Variants in RECQL observed in about 807,000 individuals in gnomAD.
RECQL encodes RecQ like helicase.
Under a neutral mutation model 75.8 loss-of-function variants are expected in RECQL, and 73 were observed. The ratio of observed to expected loss-of-function variants is 0.96; its 90% CI spans 0.80 to 1.17. The LOEUF (loss-of-function observed/expected upper bound fraction) is 1.17. Among genes scored for constraint, RECQL ranks in the 50% most tolerant of loss-of-function variants. The pLI is 0.00. For missense variants in RECQL, 699 were observed against 772.1 expected (o/e 0.91, Z 1.12); for synonymous variants, 248 against 254.4 (o/e 0.97, Z 0.24).
At chr12:21,470,738 C>T (rs1942929373) in intron 14 of RECQL, 2 of 350,692 alleles carry the variant, frequency 5.7e-6, no homozygotes, top group Admixed American at 4.5e-5. Context: ...ACGGAGTCCT[C>T]CCATTCCAAG....
rs1942940953 is a variant in RECQL at position 21,471,051 on chromosome 12, A to G, written c.1715T>C (p.Ile572Thr). The change falls in exon 14 of 15, where the codon ATA becomes ACA. Residue 572 changes from isoleucine (I) to threonine (T), a missense_variant. Ile to Thr is a moderately conservative substitution (Grantham distance 89). This residue lies in a region of RECQL where 669 missense variants were observed against 713.5 expected (regional missense o/e 0.94). Coordinates refer to ENST00000444129, the MANE Select transcript of RECQL (RefSeq NM_002907.4). ...GTTCAGAAGATTAGCTTTAGGTCCT[A>G]TTTTCAAATACGAAATGGTAGCATA... Reference protein sequence around the residue: ...TAYATISYLKIGPKANLLNNE... With the variant: ...TAYATISYLKTGPKANLLNNE... The G allele has an allele frequency of 1.9e-6, 3 of 1,602,186 alleles. No homozygotes were observed. The highest frequency in any genetic ancestry group is 2.3e-5 in the East Asian group (1 of 43,768).
chr12:21,483,542 T>G lies in RECQL; in HGVS notation c.534A>C (p.Val178=), dbSNP rs769658550. The G allele has an allele frequency of 6.3e-7, 1 of 1,579,604 alleles. No homozygotes were observed. Among genetic ancestry groups the G allele is most frequent in the South Asian group, 1.2e-5 (1 of 84,406 alleles). The change falls in exon 6 of 15, where the codon GTA becomes GTC. Residue 178 remains valine (V), a synonymous_variant. Coordinates refer to ENST00000444129, the MANE Select transcript of RECQL (RefSeq NM_002907.4). The part of the protein sequence containing the change: ...EHVKWVHAEM[V]NKNSELKLIY... Reference sequence around the variant, plus strand: ...TCAGCTTTAACTCGGAGTTTTTATTTACCATTTCAGCATGAACCCATTTAA... The same window carrying G: ...TCAGCTTTAACTCGGAGTTTTTATTGACCATTTCAGCATGAACCCATTTAA...
chr12:21,495,873 G>GC (rs1943498465), intron 2 of RECQL, among the ~76,000 whole-genome samples: 1 of 152,208 alleles, frequency 6.6e-6, no homozygotes, highest in Non-Finnish European at 1.5e-5. Flanking sequence ...TCCAGCGGCT[G>GC]CTAGTGATAT....
chr12:21,485,549 T>TAAA (rs1005937028), intron 5 of RECQL, among the ~76,000 whole-genome samples: 4 of 151,410 alleles, frequency 2.6e-5, no homozygotes, highest in African/African-American at 7.3e-5. Flanking sequence ...TATTTTTTTT[T>TAAA]AAAAAAAACA....
At chr12:21,484,021 G>A (rs754772052) in intron 5 of RECQL, among the ~76,000 whole-genome samples, 2 of 151,956 alleles carry the variant, frequency 1.3e-5, no homozygotes, top group Non-Finnish European at 2.9e-5. Flanking sequence ...CTTCTCAAAT[G>A]ATACCATCAA....
At chr12:21,477,745 C>T in intron 7 of RECQL, 58 bp downstream of exon 7, 2 of 1,382,622 alleles carry the variant, frequency 1.4e-6, no homozygotes, top group South Asian at 1.4e-5. Context: ...AATAAAAAGG[C>T]AGATCCCCTC....
intron 5 of RECQL, among the ~76,000 whole-genome samples, chr12:21,484,363 G>A (rs931452549): frequency 2.0e-5 from 3 of 152,026 alleles, no homozygotes; most frequent in Non-Finnish European, 2.9e-5. Context: ...TTCAAGAGTA[G>A]GGATATATCA....
chr12:21,471,554 T>A lies in RECQL; in HGVS notation c.1541A>T (p.Lys514Ile), dbSNP rs990152626. ...CTTTCCCATCCAAGAATCAATCAGT[T>A]TCAATGGAGTGAGTTTTTCATTCAG... Reference protein sequence around the residue: ...EELNEKLTPLKLIDSWMGKGA... With the variant: ...EELNEKLTPLILIDSWMGKGA... The change falls in exon 13 of 15, where the codon AAA becomes ATA. Residue 514 changes from lysine (K) to isoleucine (I), a missense_variant. Transcript: ENST00000444129. 1 of 1,612,712 alleles carries A rather than the reference T, an allele frequency of 6.2e-7. No homozygotes were observed. Among genetic ancestry groups the A allele is most frequent in the African/African-American group, 1.3e-5 (1 of 74,854 alleles).
intron 2 of RECQL, among the ~76,000 whole-genome samples, chr12:21,496,624 G>A (rs1424662930): frequency 6.6e-6 from 1 of 152,182 alleles, no homozygotes; most frequent in Non-Finnish European, 1.5e-5. Flanking sequence ...ACTTGCCAGA[G>A]GATAGAAGAT....
chr12:21,485,538 A>G (rs937856999), intron 5 of RECQL, among the ~76,000 whole-genome samples: 1 of 151,880 alleles, frequency 6.6e-6, no homozygotes, highest in Non-Finnish European at 1.5e-5. Flanking sequence ...TATCTGGGCT[A>G]TATTTTTTTT....
intron 12 of RECQL, among the ~76,000 whole-genome samples, chr12:21,472,608 G>A (rs1430022875): frequency 1.3e-5 from 2 of 152,098 alleles, no homozygotes; most frequent in Admixed American, 1.3e-4. Flanking sequence ...CATGGTGCTA[G>A]TGGGAGTGTC....
chr12:21,478,715 C>A (rs969319819), intron 6 of RECQL, among the ~76,000 whole-genome samples: 7 of 152,202 alleles, frequency 4.6e-5, no homozygotes, highest in African/African-American at 1.7e-4. Flanking sequence ...TGAATTACAT[C>A]TCCCAGAATC....
rs373378428 is a variant in RECQL at position 21,471,565 on chromosome 12, G to C, written c.1530C>G (p.Leu510=). The stretch of plus-strand genomic sequence containing the variant: ...AAGAATCAATCAGTTTCAATGGAGT[G>C]AGTTTTTCATTCAGTTCCTCTGCCT... ...LKQAEELNEK[L]TPLKLIDSWM... Residue 510 remains leucine (L), a synonymous_variant, in exon 13 of 15, where the codon CTC becomes CTG. Transcript: ENST00000444129. The C allele has an allele frequency of 3.0e-5, 49 of 1,612,736 alleles. No homozygotes were observed. The African/African-American group carries it at 6.4e-4, about 21-fold the overall frequency.
chr12:21,492,418 C>T (rs945552457), intron 2 of RECQL, among the ~76,000 whole-genome samples: 1 of 152,176 alleles, frequency 6.6e-6, no homozygotes, highest in African/African-American at 2.4e-5. Context: ...TAAAGATGTT[C>T]TTGGTGCATT....
chr12:21,497,294 T>C (rs1943525829), intron 2 of RECQL, among the ~76,000 whole-genome samples: 1 of 151,984 alleles, frequency 6.6e-6, no homozygotes, highest in Non-Finnish European at 1.5e-5. Flanking sequence ...AGCTATAACC[T>C]CATGGTGGGA....
At chr12:21,485,624 G>A (rs1322938965) in intron 5 of RECQL, among the ~76,000 whole-genome samples, 1 of 151,904 alleles carries the variant, frequency 6.6e-6, no homozygotes, top group Admixed American at 6.6e-5. Context: ...CTTCTTAGAT[G>A]TGATGATGGC....
chr12:21,486,900 T>C (rs1365517237), intron 4 of RECQL, among the ~76,000 whole-genome samples: 1 of 151,988 alleles, frequency 6.6e-6, no homozygotes, highest in Admixed American at 6.6e-5. Context: ...CTCAAACTCC[T>C]GAGCTCAGGC....
chr12:21,485,382 A>C (rs1310546021), intron 5 of RECQL, among the ~76,000 whole-genome samples: 2 of 151,694 alleles, frequency 1.3e-5, no homozygotes, highest in African/African-American at 4.8e-5. Flanking sequence ...GAAAGAAAGA[A>C]CACCACAAGG....
At chr12:21,493,886 T>C (rs961242035) in intron 2 of RECQL, among the ~76,000 whole-genome samples, 1 of 152,218 alleles carries the variant, frequency 6.6e-6, no homozygotes, top group African/African-American at 2.4e-5. Context: ...AGACATGATA[T>C]GCACCAAAAG....
Sources: allele counts gnomAD v4.1 joint callset (sites outside exome capture counted in the v4.1 genomes callset), GRCh38; gene constraint gnomAD v4.1.1; regional missense constraint gnomAD v4.1.1; transcripts MANE v1.5; gene names NCBI Gene and HGNC (gene_info 2026-07-23, HGNC 2026-07-21).